TRPM3: variants seen among roughly 807,000 people sequenced by gnomAD.
TRPM3 encodes transient receptor potential cation channel subfamily M member 3.
In TRPM3, 77 loss-of-function variants were observed where a neutral mutation model predicts 181.2. That is an observed-to-expected ratio of 0.42 (90% CI 0.35 to 0.51). TRPM3 has a LOEUF of 0.51. Among genes scored for constraint, TRPM3 ranks in the 20% least tolerant of loss-of-function variants. TRPM3 has a pLI of 0.01. For synonymous variants in TRPM3, 745 were observed against 796.4 expected, an observed-to-expected ratio of 0.94 and a Z score of 1.09; for missense variants, 1,759 against 2,196.7, an observed-to-expected ratio of 0.80 and a Z score of 3.98.
chr9:71,298,791 C>T (rs564852392), intron 1 of TRPM3, among the ~76,000 whole-genome samples: 3 of 152,200 alleles, frequency 2.0e-5, no homozygotes, highest in South Asian at 4.1e-4. Flanking sequence ...GGCAAATGTG[C>T]TTTCACCTGC....
chr9:70,768,363 CTT>C (rs558996890), intron 7 of TRPM3, among the ~76,000 whole-genome samples: 1 of 151,976 alleles, frequency 6.6e-6, no homozygotes, highest in Admixed American at 6.6e-5. Flanking sequence ...TGGCCAGAGA[CTT>C]TTTTTTCCAT....
At position 70,996,391 on chromosome 9, in the gene TRPM3, C is replaced by G. The variant is rs1008385117; in HGVS notation, c.177+124787G>C. On this transcript the variant is annotated intron_variant, in intron 1 of 25. Coordinates refer to ENST00000677713, the MANE Select transcript of TRPM3 (RefSeq NM_001366145.2). ...ACTTTTCCCTACTCTACAGTGACAC[C>G]AAGGTGTCACTATGCCCATCTCTGT... Among the ~76,000 whole-genome samples the G allele has an allele frequency of 3.3e-5, 5 of 152,252 alleles. No homozygotes were observed. In the East Asian group the frequency reaches 9.7e-4, roughly 29 times the overall value.
Position 71,403,840 on chromosome 9 carries a change from A to G in TRPM3, c.183+42813T>C, listed in dbSNP as rs1186770148. On this transcript the variant is annotated intron_variant, in intron 1 of 24. Transcript: ENST00000357533. ...AACCTCAGAGACTGCTGCAAGATAA[A>G]CAACATGGGCATCTTAAAAGGAGAA... Among the ~76,000 whole-genome samples the G allele has an allele frequency of 5.4e-5, 8 of 148,556 alleles. No individual in the cohort carries two copies. The East Asian group carries it at 1.8e-3, about 33-fold the overall frequency.
intron 1 of TRPM3, among the ~76,000 whole-genome samples, chr9:71,293,782 A>G (rs1160477015): frequency 3.9e-5 from 6 of 151,984 alleles, no homozygotes; most frequent in African/African-American, 1.4e-4. Flanking sequence ...TATCCCTACC[A>G]GTTATTAAGA....
In TRPM3 at chr9:70,772,550, T is replaced by C. The variant is rs140846532; in HGVS notation, c.1149-10826A>G. 2.5e-3 allele frequency among the ~76,000 whole-genome samples: 386 copies of C among 152,234 alleles called. 2 individuals are homozygous for C. Among genetic ancestry groups the C allele is most frequent in the African/African-American group, 8.8e-3 (367 of 41,544 alleles). On this transcript the variant is annotated intron_variant, in intron 7 of 25. Coordinates refer to ENST00000677713, the MANE Select transcript of TRPM3 (RefSeq NM_001366145.2). ...GTTGCCCAGGCTGGTCTCGAACTCCTGAGCTCAAGGGATCCACCTGCCTCG... is the reference window on the plus strand; with the variant it reads ...GTTGCCCAGGCTGGTCTCGAACTCCCGAGCTCAAGGGATCCACCTGCCTCG...
chr9:71,121,064 A>T, intron 1 of TRPM3, 114 bp downstream of exon 1: 1 of 973,556 alleles, frequency 1.0e-6, no homozygotes, highest in Non-Finnish European at 1.5e-6. Flanking sequence ...CCACAGAGCC[A>T]GTACTGCATG....
intron 1 of TRPM3, among the ~76,000 whole-genome samples, chr9:71,084,764 GA>G (rs1035321781): frequency 8.4e-4 from 124 of 147,086 alleles, no homozygotes; most frequent in African/African-American, 2.1e-3. Flanking sequence ...GCAGAACTAG[GA>G]AAAAAAAAAC....
intron 19 of TRPM3, among the ~76,000 whole-genome samples, chr9:70,607,265 G>T (rs982265330): frequency 1.3e-5 from 2 of 152,190 alleles, no homozygotes; most frequent in African/African-American, 4.8e-5. Flanking sequence ...AATCTGGTGA[G>T]AAATACTCTT....
chr9:71,345,882 T>A (rs1277652906), intron 1 of TRPM3, among the ~76,000 whole-genome samples: 2 of 152,228 alleles, frequency 1.3e-5, no homozygotes, highest in African/African-American at 2.4e-5. Context: ...TCCGCTAGAA[T>A]GGCTCACCTT....
At chr9:70,824,262 T>C (rs998996329) in intron 6 of TRPM3, among the ~76,000 whole-genome samples, 3 of 151,952 alleles carry the variant, frequency 2.0e-5, no homozygotes, top group African/African-American at 7.3e-5. Flanking sequence ...CCATCCTGAG[T>C]GTAAGAGGTG....
chr9:70,745,046 C>T (rs1481423416), intron 8 of TRPM3, among the ~76,000 whole-genome samples: 3 of 152,100 alleles, frequency 2.0e-5, no homozygotes, highest in Non-Finnish European at 4.4e-5. Context: ...AACAAGATAA[C>T]ATGAAAATGA....
chr9:71,003,036 A>G (rs542744891), intron 1 of TRPM3, among the ~76,000 whole-genome samples: 1 of 152,310 alleles, frequency 6.6e-6, no homozygotes, highest in South Asian at 2.1e-4. Flanking sequence ...ATATAAAACT[A>G]ATCTACTGGC....
At chr9:71,206,727 T>C (rs1035487737) in intron 1 of TRPM3, among the ~76,000 whole-genome samples, 2 of 152,160 alleles carry the variant, frequency 1.3e-5, no homozygotes, top group African/African-American at 2.4e-5. Flanking sequence ...AGGTCTTACA[T>C]TGAAGCCTTT....
At chr9:71,199,317 T>C (rs533719789) in intron 1 of TRPM3, among the ~76,000 whole-genome samples, 7 of 152,290 alleles carry the variant, frequency 4.6e-5, no homozygotes, top group Middle Eastern at 6.8e-3. Context: ...TCATCAAGGA[T>C]ATTGGTCTAA....
At chr9:71,413,872 T>A (rs985887057) in intron 1 of TRPM3, among the ~76,000 whole-genome samples, 2 of 151,368 alleles carry the variant, frequency 1.3e-5, no homozygotes, top group Non-Finnish European at 2.9e-5. Flanking sequence ...TTTTTTTTTT[T>A]AAACTACCCA....
chr9:70,839,541 G>T (rs1443233385), intron 5 of TRPM3, among the ~76,000 whole-genome samples: 3 of 152,140 alleles, frequency 2.0e-5, no homozygotes, highest in African/African-American at 7.2e-5. Context: ...TAAAAGTGAA[G>T]CTTCTCATCT....
chr9:70,621,290 T>C lies in TRPM3; in HGVS notation c.1810-17A>G. On this transcript the variant is annotated splice_polypyrimidine_tract_variant and intron_variant, in intron 14 of 25. Transcript: ENST00000677713. ...GGCTTTGGGCTGTTAAAAAAAACGT[T>C]GTGAACAAAGTTAGATCAGTTAGAT... The C allele has an allele frequency of 6.3e-7, 1 of 1,598,494 alleles. No homozygotes were observed. The highest frequency in any genetic ancestry group is 8.5e-7 in the Non-Finnish European group (1 of 1,171,618).
chr9:71,210,558 A>T (rs2079429651), intron 1 of TRPM3, among the ~76,000 whole-genome samples: 1 of 151,956 alleles, frequency 6.6e-6, no homozygotes, highest in South Asian at 2.1e-4. Flanking sequence ...ACCCTTCCTT[A>T]CTTCCAAGAG....
intron 3 of TRPM3, among the ~76,000 whole-genome samples, chr9:70,852,124 T>G (rs1200241538): frequency 3.0e-5 from 2 of 65,822 alleles, no homozygotes; most frequent in East Asian, 9.9e-4. Context: ...CAAGACTCTA[T>G]CTCCAAAAAA....
Sources: allele counts gnomAD v4.1 joint callset (sites outside exome capture counted in the v4.1 genomes callset), GRCh38; gene constraint gnomAD v4.1.1; transcripts MANE v1.5; gene names NCBI Gene and HGNC (gene_info 2026-07-23, HGNC 2026-07-21).